EFR3A: variants seen among roughly 807,000 people sequenced by gnomAD.
EFR3A encodes EFR3 homolog A.
A neutral mutation model predicts 104.4 loss-of-function variants in EFR3A; 76 were observed. The ratio of observed to expected loss-of-function variants is 0.73; its 90% CI spans 0.60 to 0.88. The LOEUF (loss-of-function observed/expected upper bound fraction) is 0.88. EFR3A is among the 40% of genes least tolerant of loss of function. The pLI, the probability that EFR3A is intolerant of heterozygous loss-of-function variation, is 0.00. For synonymous variants in EFR3A, 330 were observed against 330.0 expected, an observed-to-expected ratio of 1.00 and a Z score of 0.00; for missense variants, 985 against 1,012.5, an observed-to-expected ratio of 0.97 and a Z score of 0.37.
intron 1 of EFR3A, among the ~76,000 whole-genome samples, chr8:131,919,740 C>G (rs957175553): frequency 2.0e-5 from 3 of 151,790 alleles, no homozygotes; most frequent in Non-Finnish European, 4.4e-5. Context: ...TTTCTTCTCC[C>G]TAGATTTTGG....
At chr8:131,911,441 C>G (rs1416018437) in intron 1 of EFR3A, among the ~76,000 whole-genome samples, 1 of 152,084 alleles carries the variant, frequency 6.6e-6, no homozygotes, top group Non-Finnish European at 1.5e-5. Flanking sequence ...AGAGAAGGAA[C>G]TTTAAGAGAG....
At chr8:131,994,274 T>C (rs963394956) in intron 18 of EFR3A, among the ~76,000 whole-genome samples, 7 of 151,228 alleles carry the variant, frequency 4.6e-5, no homozygotes, top group African/African-American at 1.7e-4. Flanking sequence ...GAGAGAAAGA[T>C]GAAGTGTTGC....
intron 1 of EFR3A, among the ~76,000 whole-genome samples, chr8:131,934,679 CGT>C (rs889180315): frequency 3.1e-4 from 47 of 151,052 alleles, no homozygotes; most frequent in Admixed American, 2.3e-3. Flanking sequence ...ATATATAATA[CGT>C]GTGTGTGTGT....
At position 131,978,841 on chromosome 8, in the gene EFR3A, A is replaced by C. The variant is rs755572755; in HGVS notation, c.1327-6A>C. ...AAAGGTTGTTTGTTTTCTTCTCGAT[A>C]ATCAGGTGACCTCTGGATATAAAGC... On this transcript the variant is annotated splice_polypyrimidine_tract_variant and splice_region_variant and intron_variant, in intron 12 of 22. Coordinates refer to ENST00000254624, the MANE Select transcript of EFR3A (RefSeq NM_015137.6). The C allele has an allele frequency of 1.3e-6, 2 of 1,535,158 alleles. No individual in the cohort carries two copies. Among genetic ancestry groups the C allele is most frequent in the Admixed American group, 2.1e-5 (1 of 48,446 alleles).
intron 2 of EFR3A, among the ~76,000 whole-genome samples, chr8:131,941,576 T>A (rs1408305876): frequency 6.6e-6 from 1 of 152,122 alleles, no homozygotes; most frequent in Non-Finnish European, 1.5e-5. Context: ...GGTACTGCCT[T>A]GAAGGACCTT....
At chr8:131,915,696 A>G (rs1008958586) in intron 1 of EFR3A, among the ~76,000 whole-genome samples, 2 of 152,164 alleles carry the variant, frequency 1.3e-5, no homozygotes, top group African/African-American at 2.4e-5. Flanking sequence ...CTTAAAGTAT[A>G]CTACAGATAC....
chr8:131,924,051 T>C, intron 1 of EFR3A: 1 of 375,222 alleles, frequency 2.7e-6, no homozygotes. Flanking sequence ...CTGTAATTGC[T>C]GTATCTTGCT....
At chr8:131,950,201 C>A in intron 5 of EFR3A, 111 bp downstream of exon 5, 2 of 1,127,012 alleles carry the variant, frequency 1.8e-6, no homozygotes, top group Non-Finnish European at 2.5e-6. Flanking sequence ...TGAAATACGG[C>A]TTTCCATTGC....
In EFR3A at chr8:131,926,248, A is replaced by G. The variant is rs574039195; in HGVS notation, c.11-14251A>G. Among the ~76,000 whole-genome samples, 7 of 152,298 alleles carry G rather than the reference A, an allele frequency of 4.6e-5. No individual in the cohort carries two copies. In the South Asian group the frequency reaches 8.3e-4, roughly 18 times the overall value. ...TAGTCACAGAGTTTCAGAATATATT[A>G]TGGTGACTTTAAAAAACCATTTTTA... On this transcript the variant is annotated intron_variant, in intron 1 of 22. Coordinates refer to ENST00000254624, the MANE Select transcript of EFR3A (RefSeq NM_015137.6).
At chr8:132,006,939 A>G (rs1306493974) in intron 22 of EFR3A, among the ~76,000 whole-genome samples, 1 of 152,016 alleles carries the variant, frequency 6.6e-6, no homozygotes, top group Non-Finnish European at 1.5e-5. Flanking sequence ...GAAAAAAAGC[A>G]TTTGAAAAAG....
rs116740564 is a variant in EFR3A, at chr8:131,917,323, G to A, written c.10+13001G>A. Among the ~76,000 whole-genome samples, 398 of 152,208 alleles carry A rather than the reference G, an allele frequency of 2.6e-3. 4 individuals are homozygous for A. The highest frequency in any genetic ancestry group is 9.3e-3 in the African/African-American group (384 of 41,506). On this transcript the variant is annotated intron_variant, in intron 1 of 22. Coordinates refer to ENST00000254624, the MANE Select transcript of EFR3A (RefSeq NM_015137.6). ...CGAATACTGTTCTCCTTTCCTCCCCGTCGATTGGTTTCTCGGCATCTACTT... is the reference window on the plus strand; with the variant it reads ...CGAATACTGTTCTCCTTTCCTCCCCATCGATTGGTTTCTCGGCATCTACTT...
rs373999068 is a variant in EFR3A at position 131,910,841 on chromosome 8, A to G, written c.10+6519A>G. Reference sequence around the variant, plus strand: ...ATTGCAGTGAATGAATCTTCATCCTATAGTGGGAGTAGAGAGGTTTTTATT... The same window carrying G: ...ATTGCAGTGAATGAATCTTCATCCTGTAGTGGGAGTAGAGAGGTTTTTATT... On this transcript the variant is annotated intron_variant, in intron 1 of 22. Coordinates refer to ENST00000254624, the MANE Select transcript of EFR3A (RefSeq NM_015137.6). Among the ~76,000 whole-genome samples the G allele has an allele frequency of 5.3e-5, 8 of 152,186 alleles. No homozygotes were observed. In the South Asian group the frequency reaches 6.2e-4, roughly 12 times the overall value.
At chr8:131,964,734 C>T (rs1819597599) in intron 8 of EFR3A, among the ~76,000 whole-genome samples, 1 of 152,024 alleles carries the variant, frequency 6.6e-6, no homozygotes, top group South Asian at 2.1e-4. Context: ...TCATATGGAA[C>T]CAAAAAAAGA....
intron 1 of EFR3A, among the ~76,000 whole-genome samples, chr8:131,916,907 G>A (rs1816769566): frequency 6.6e-6 from 1 of 152,196 alleles, no homozygotes; most frequent in Non-Finnish European, 1.5e-5. Flanking sequence ...AGCCGTGGCA[G>A]TTCTGTCCTA....
intron 16 of EFR3A, 25 bp from the exon 17 acceptor site, chr8:131,986,169 T>C: frequency 7.1e-7 from 1 of 1,416,664 alleles, no homozygotes; most frequent in Non-Finnish European, 9.9e-7. Flanking sequence ...TTTTGATTTT[T>C]GTTCTGTTTT....
Position 131,933,750 on chromosome 8 carries a change from G to GA in EFR3A, c.11-6743dup, listed in dbSNP as rs566168779. Among the ~76,000 whole-genome samples, 279 of 150,378 alleles carry GA rather than the reference G, an allele frequency of 1.9e-3. 2 individuals are homozygous for GA. Among genetic ancestry groups the GA allele is most frequent in the African/African-American group, 6.6e-3 (271 of 41,168 alleles). ...TTTAAATTAAAAATTGTAATAGTGG[G>GA]AAAAAATCAGATATAAAGTATAAAC... On this transcript the variant is annotated intron_variant, in intron 1 of 22. Transcript: ENST00000254624.
intron 22 of EFR3A, 48 bp from the exon 23 acceptor site, chr8:132,010,742 A>ACAG: frequency 6.3e-7 from 1 of 1,592,440 alleles, no homozygotes; most frequent in Non-Finnish European, 8.6e-7. Context: ...GGTGAAATGA[A>ACAG]CAGCTTGTAA....
intron 22 of EFR3A, among the ~76,000 whole-genome samples, chr8:132,007,384 T>C (rs1822106371): frequency 6.6e-6 from 1 of 151,862 alleles, no homozygotes; most frequent in Non-Finnish European, 1.5e-5. Flanking sequence ...GAGTAAATTT[T>C]TAAACATAGC....
chr8:131,983,586 G>T (rs549676606), intron 14 of EFR3A, among the ~76,000 whole-genome samples: 1 of 151,892 alleles, frequency 6.6e-6, no homozygotes, highest in Admixed American at 6.6e-5. Flanking sequence ...TGCAATACCT[G>T]GGGAGTTTCT....
Sources: gnomAD v4.1 joint callset for allele counts (sites outside exome capture counted in the v4.1 genomes callset) on GRCh38, gnomAD v4.1.1 for gene constraint, MANE v1.5 for transcripts, NCBI Gene and HGNC (gene_info 2026-07-23, HGNC 2026-07-21) for gene names.